The following SNX25 variants were observed in gnomAD, a reference collection of about 807,000 sequenced individuals.
SNX25 encodes the protein sorting nexin 25, also known as sorting nexin-25.
A neutral mutation model predicts 113.7 loss-of-function variants in SNX25; 62 were observed. The ratio of observed to expected loss-of-function variants is 0.55; its 90% confidence interval spans 0.44 to 0.67. The LOEUF (loss-of-function observed/expected upper bound fraction) is 0.67. Ranked by LOEUF, SNX25 falls within the 30% of genes least tolerant of loss-of-function variation. SNX25 has a pLI of 0.00. For missense variants in SNX25, 1,014 were observed against 1,161.0 expected (o/e 0.87, Z 1.84); for synonymous variants, 421 against 436.2 (o/e 0.97, Z 0.43).
intron 6 of SNX25, among the ~76,000 whole-genome samples, chr4:185,291,997 A>G (rs1004613934): frequency 2.6e-5 from 4 of 152,158 alleles, no homozygotes; most frequent in African/African-American, 9.7e-5. Flanking sequence ...TGCTAGAAAT[A>G]TCTCTTTTCA....
intron 9 of SNX25, among the ~76,000 whole-genome samples, chr4:185,325,479 G>A (rs1185797710): frequency 2.2e-5 from 3 of 139,370 alleles, no homozygotes; most frequent in Non-Finnish European, 4.5e-5. Flanking sequence ...GTTGCAGTGA[G>A]CCAAGATCGT....
rs2095307108 is a variant in SNX25, at chr4:185,349,951, C to T, written c.2302-1494C>T. On this transcript the variant is annotated intron_variant, in intron 13 of 18. Coordinates refer to ENST00000652585, the MANE Select transcript of SNX25 (RefSeq NM_001378034.2). The stretch of plus-strand genomic sequence containing the variant: ...GGGAGAACATCTCACTACTCCTGAT[C>T]CATCCTCACATACAGGTTGAACTGA... 2.0e-5 allele frequency among the ~76,000 whole-genome samples: 3 copies of T among 152,328 alleles called. No homozygotes were observed. In the South Asian group the frequency reaches 6.2e-4, roughly 32 times the overall value.
At chr4:185,283,787 A>G (rs1045453741) in intron 5 of SNX25, among the ~76,000 whole-genome samples, 1 of 152,188 alleles carries the variant, frequency 6.6e-6, no homozygotes, top group Admixed American at 6.5e-5. Flanking sequence ...CCTTATTATG[A>G]GGATTAAGTG....
intron 1 of SNX25, among the ~76,000 whole-genome samples, chr4:185,235,460 T>C (rs1256619510): frequency 6.6e-6 from 1 of 152,192 alleles, no homozygotes; most frequent in Non-Finnish European, 1.5e-5. Flanking sequence ...TGGTTTAGGG[T>C]TGGCCAAAGA....
At position 185,239,325 on chromosome 4, in the gene SNX25, T is replaced by C. The variant is rs575028331; in HGVS notation, c.430-7969T>C. ...GGTGAAACTCCGTCTCTACTAAAAA[T>C]GCAAAAAATTAGCCGGGCGTGGTGG... On this transcript the variant is annotated intron_variant, in intron 1 of 18. Transcript: ENST00000652585. 5.1e-4 allele frequency among the ~76,000 whole-genome samples: 77 copies of C among 151,836 alleles called. No homozygotes were observed. The South Asian group carries it at 6.7e-3, about 13-fold the overall frequency.
chr4:185,316,193 A>C (rs932385172), intron 7 of SNX25, among the ~76,000 whole-genome samples: 6 of 152,200 alleles, frequency 3.9e-5, no homozygotes, highest in African/African-American at 1.4e-4. Context: ...TTTGGCACTT[A>C]TCAGTGCCTT....
chr4:185,351,601 C>T lies in SNX25; in HGVS notation c.2458C>T (p.His820Tyr), dbSNP rs1190042264. The change falls in exon 14 of 19, where the codon CAC (histidine) becomes TAC (tyrosine). Residue 820 changes from histidine to tyrosine, a missense_variant. Coordinates refer to ENST00000652585, the MANE Select transcript of SNX25 (RefSeq NM_001378034.2). Reference sequence around the variant, plus strand: ...AAGACTTCCTCGCGACTTCTTCTCCCACCAGGAGGTGAGCCGTTGAAAGAG... The same window carrying T: ...AAGACTTCCTCGCGACTTCTTCTCCTACCAGGAGGTGAGCCGTTGAAAGAG... ...LERLPRDFFSHQEEETEEDSD... is the reference protein window; with the variant it reads ...LERLPRDFFSYQEEETEEDSD... 3 of 1,613,862 alleles carry T rather than the reference C, an allele frequency of 1.9e-6. No individual in the cohort carries two copies. Among genetic ancestry groups the T allele is most frequent in the Non-Finnish European group, 1.7e-6 (2 of 1,179,926 alleles).
At chr4:185,226,718 T>C (rs1051935602) in intron 1 of SNX25, among the ~76,000 whole-genome samples, 1 of 152,248 alleles carries the variant, frequency 6.6e-6, no homozygotes, top group Non-Finnish European at 1.5e-5. Flanking sequence ...CCCAAAGTGC[T>C]GGGATTACAG....
At chr4:185,377,285 G>A in the SNX25 span, 16,455 of 346,778 alleles carry the variant, frequency 0.047, 546 homozygotes, top group South Asian at 0.087. Context: ...CTGGGAGGCC[G>A]AGGCGGGTGG....
At chr4:185,372,740 G>A (rs1317979942), downstream of SNX25, 2 of 775,588 alleles carry the variant, frequency 2.6e-6, no homozygotes, top group African/African-American at 3.5e-5. Context: ...CTCCCCTCTG[G>A]AGGTTGCAGC....
upstream of SNX25, among the ~76,000 whole-genome samples, chr4:185,208,556 C>T (rs1302993050): frequency 1.2e-4 from 18 of 151,532 alleles, no homozygotes; most frequent in East Asian, 7.8e-4. Flanking sequence ...GGTGAAACCC[C>T]GTCTCTACTA....
chr4:185,286,120 A>T (rs986974348), intron 5 of SNX25, among the ~76,000 whole-genome samples: 3 of 146,540 alleles, frequency 2.0e-5, no homozygotes, highest in East Asian at 2.0e-4. Context: ...TTGTTTTGTT[A>T]TGTGTTTTTT....
rs1231140521 is a variant in SNX25 at position 185,232,312 on chromosome 4, G to A, written c.430-14982G>A. Reference sequence around the variant, plus strand: ...GTACTACGGGGTTACAATCTTCCCGGACATCGCCTAAGTTTTATTATCCCC... The same window carrying A: ...GTACTACGGGGTTACAATCTTCCCGAACATCGCCTAAGTTTTATTATCCCC... On this transcript the variant is annotated intron_variant, in intron 1 of 18. Coordinates refer to ENST00000652585, the MANE Select transcript of SNX25 (RefSeq NM_001378034.2). This position sits in a 1 kb window ranked among gnomAD's most constrained non-coding sequence, Gnocchi z 4.4. Among the ~76,000 whole-genome samples, 14 of 152,086 alleles carry A rather than the reference G, an allele frequency of 9.2e-5. No homozygotes were observed. Among genetic ancestry groups the A allele is most frequent in the Admixed American group, 2.0e-4 (3 of 15,266 alleles).
At chr4:185,353,720 T>A in intron 15 of SNX25, 118 bp downstream of exon 15, 1 of 865,388 alleles carries the variant, frequency 1.2e-6, no homozygotes, top group Non-Finnish European at 1.9e-6. Context: ...GTATTTATAT[T>A]CATGCATCCA....
chr4:185,324,952 A>G (rs1289748255), intron 9 of SNX25, among the ~76,000 whole-genome samples: 1 of 152,182 alleles, frequency 6.6e-6, no homozygotes, highest in African/African-American at 2.4e-5. Context: ...GTCATTTAAA[A>G]ATTTTTGAAA....
intron 1 of SNX25, among the ~76,000 whole-genome samples, chr4:185,228,403 G>A (rs1263916017): frequency 2.0e-5 from 3 of 152,176 alleles, no homozygotes; most frequent in Admixed American, 2.0e-4. Context: ...GGGGCACATG[G>A]AGAGAACTTC....
chr4:185,254,096 AG>A (rs1405021485), intron 2 of SNX25, among the ~76,000 whole-genome samples: 1 of 152,144 alleles, frequency 6.6e-6, no homozygotes, highest in Non-Finnish European at 1.5e-5. Flanking sequence ...GGTGGCACAG[AG>A]GAAGCAAGGC....
At chr4:185,319,268 G>A (rs2095101276) in intron 7 of SNX25, among the ~76,000 whole-genome samples, 1 of 141,126 alleles carries the variant, frequency 7.1e-6, no homozygotes, top group Non-Finnish European at 1.5e-5. Flanking sequence ...TGCAATCTCA[G>A]TTCACAACAA....
chr4:185,290,786 A>G (rs1752060723), intron 6 of SNX25, among the ~76,000 whole-genome samples: 2 of 149,548 alleles, frequency 1.3e-5, no homozygotes, highest in South Asian at 4.5e-4. Context: ...GTCAGAATCT[A>G]GTTTAAAGAG....
Sources: gnomAD v4.1 joint callset for allele counts (sites outside exome capture counted in the v4.1 genomes callset) on GRCh38, gnomAD v4.1.1 for gene constraint, Gnocchi (gnomAD v3.1) non-coding constraint, MANE v1.5 for transcripts, NCBI Gene and HGNC (gene_info 2026-07-23, HGNC 2026-07-21) for gene names.